EFHB: variants seen among roughly 807,000 people sequenced by gnomAD.
EFHB encodes the protein EF-hand domain family member B.
EFHB carries 91 observed loss-of-function variants against 87.2 expected under a neutral mutation model. The ratio of observed to expected loss-of-function variants is 1.04; its 90% confidence interval spans 0.88 to 1.24. The LOEUF (loss-of-function observed/expected upper bound fraction) is 1.24. Among genes scored for constraint, EFHB ranks in the 50% most tolerant of loss-of-function variants. The pLI, the probability that EFHB is intolerant of heterozygous loss-of-function variation, is 0.00. For missense variants in EFHB, 1,084 were observed against 998.8 expected (o/e 1.09, Z -1.15); for synonymous variants, 325 against 333.6 (o/e 0.97, Z 0.28).
intron 1 of EFHB, among the ~76,000 whole-genome samples, chr3:19,932,168 G>A (rs145583742): frequency 2.0e-5 from 3 of 152,144 alleles, no homozygotes; most frequent in Admixed American, 6.5e-5. Context: ...TCTCAAAAGT[G>A]CAGTCTCCTT....
chr3:19,900,234 T>G (rs1694626589), intron 6 of EFHB, among the ~76,000 whole-genome samples: 1 of 151,986 alleles, frequency 6.6e-6, no homozygotes, highest in South Asian at 2.1e-4. Context: ...GGTAACATAG[T>G]GAGATCCCAT....
chr3:19,890,146 G>A (rs1175310894), intron 9 of EFHB, among the ~76,000 whole-genome samples: 1 of 152,148 alleles, frequency 6.6e-6, no homozygotes, highest in East Asian at 1.9e-4. Context: ...GGCTTTGTGT[G>A]CACTGAAAAC....
At chr3:19,918,013 A>G (rs533173547) in intron 4 of EFHB, among the ~76,000 whole-genome samples, 70 of 152,268 alleles carry the variant, frequency 4.6e-4, no homozygotes, top group Non-Finnish European at 9.6e-4. Flanking sequence ...TATGCTCACT[A>G]TATCTGGACT....
At chr3:19,928,539 G>A (rs1219748608) in intron 1 of EFHB, among the ~76,000 whole-genome samples, 1 of 152,186 alleles carries the variant, frequency 6.6e-6, no homozygotes, top group Non-Finnish European at 1.5e-5. Flanking sequence ...CCGCCACCCA[G>A]GCTCAAGTGA....
At position 19,920,575 on chromosome 3, in the gene EFHB, G is replaced by A. The variant is rs1695404619; in HGVS notation, c.790-8C>T. 1 of 1,586,884 alleles carries A rather than the reference G, an allele frequency of 6.3e-7. No homozygotes were observed. Among genetic ancestry groups the A allele is most frequent in the East Asian group, 2.3e-5 (1 of 43,040 alleles). ...TGGAATAACTTTTCCTGCCTTTGGG[G>A]GAAAAAAATGGGTTGATCATTGCCA... On this transcript the variant is annotated splice_polypyrimidine_tract_variant and splice_region_variant and intron_variant, in intron 1 of 12. Coordinates refer to ENST00000295824, the MANE Select transcript of EFHB (RefSeq NM_144715.4).
At chr3:19,934,270 T>G, upstream of EFHB, 3 of 1,401,578 alleles carry the variant, frequency 2.1e-6, no homozygotes, top group Non-Finnish European at 1.8e-6. Context: ...CAAGTCCTGC[T>G]TGGACAGATC....
At chr3:19,895,591 G>C (rs536683602) in intron 9 of EFHB, among the ~76,000 whole-genome samples, 1 of 152,112 alleles carries the variant, frequency 6.6e-6, no homozygotes, top group Admixed American at 6.5e-5. Flanking sequence ...TAAAAGCAGG[G>C]CACTACGTAT....
At chr3:19,883,924 T>A (rs2071745431) in intron 11 of EFHB, among the ~76,000 whole-genome samples, 1 of 152,192 alleles carries the variant, frequency 6.6e-6, no homozygotes, top group South Asian at 2.1e-4. Context: ...ACGTCAAGCC[T>A]CCAGAACTGT....
At chr3:19,938,227 A>G (rs1696067022), upstream of EFHB, among the ~76,000 whole-genome samples, 1 of 152,218 alleles carries the variant, frequency 6.6e-6, no homozygotes, top group Non-Finnish European at 1.5e-5. Flanking sequence ...ACTTTCTGAG[A>G]TTACGGTAGT....
In EFHB at chr3:19,888,646, T is replaced by C; in HGVS notation, c.1731A>G (p.Gly577=). Reference sequence around the variant, plus strand: ...GCTCGTCTTTATCTATCATCCCATCTCCCTTCTGTTATACAGGAAGCAAAA... The same window carrying C: ...GCTCGTCTTTATCTATCATCCCATCCCCCTTCTGTTATACAGGAAGCAAAA... ...LAAFRHYDKK[G]DGMIDKDELQ... The change falls in exon 10 of 13, where the codon GGA becomes GGG. Residue 577 remains glycine (G), a synonymous_variant. Transcript: ENST00000295824. 4 of 1,603,094 alleles carry C rather than the reference T, an allele frequency of 2.5e-6. No homozygotes were observed. The highest frequency in any genetic ancestry group is 3.4e-6 in the Non-Finnish European group (4 of 1,174,062).
Position 19,918,277 on chromosome 3 carries a change from C to T in EFHB, c.1132G>A (p.Gly378Ser). The T allele has an allele frequency of 2.5e-6, 4 of 1,612,874 alleles. No homozygotes were observed. Among genetic ancestry groups the T allele is most frequent in the Non-Finnish European group, 3.4e-6 (4 of 1,179,614 alleles). ...AATGTCGTATTGGTTGTGTCCATGC[C>T]TTTTGGTAATCCTGGTGCTTGATCG... ...SHDQAPGLPK[G>S]MDTTNTTFGT... The change falls in exon 4 of 13, where the codon GGC (glycine) becomes AGC (serine). Residue 378 changes from glycine (G) to serine (S), a missense_variant. Physicochemically the swap from Gly to Ser is moderately conservative, Grantham distance 56. Coordinates refer to ENST00000295824, the MANE Select transcript of EFHB (RefSeq NM_144715.4).
At chr3:19,940,209 T>C (rs1696125066) in intron 1 of EFHB, 1 of 157,766 alleles carries the variant, frequency 6.3e-6, no homozygotes. Flanking sequence ...GCTACATATT[T>C]GGGTCCTTCA....
intron 10 of EFHB, among the ~76,000 whole-genome samples, chr3:19,888,112 T>C (rs1049832737): frequency 4.6e-5 from 7 of 152,182 alleles, no homozygotes; most frequent in African/African-American, 1.7e-4. Flanking sequence ...ACTACAGATA[T>C]TCCATGCATA....
chr3:19,881,797 T>G, intron 12 of EFHB, among the ~76,000 whole-genome samples: 1 of 152,034 alleles, frequency 6.6e-6, no homozygotes, highest in East Asian at 1.9e-4. Context: ...CATTTCTAGC[T>G]CCAGCTATGA....
In EFHB at chr3:19,895,597, C is replaced by T. The variant is rs115794496; in HGVS notation, c.1725+1090G>A. ...AAGAATTCTTAAAAGCAGGGCACTACGTATTATGGCAGGTTCTCTTATTCA... is the reference window on the plus strand; with the variant it reads ...AAGAATTCTTAAAAGCAGGGCACTATGTATTATGGCAGGTTCTCTTATTCA... On this transcript the variant is annotated intron_variant, in intron 9 of 12. Coordinates refer to ENST00000295824, the MANE Select transcript of EFHB (RefSeq NM_144715.4). 5.5e-3 allele frequency among the ~76,000 whole-genome samples: 836 copies of T among 152,148 alleles called. 5 individuals carry two copies. Among genetic ancestry groups the T allele is most frequent in the African/African-American group, 0.02 (814 of 41,482 alleles).
intron 7 of EFHB, among the ~76,000 whole-genome samples, chr3:19,899,203 T>G (rs1011277274): frequency 6.6e-6 from 1 of 152,222 alleles, no homozygotes; most frequent in African/African-American, 2.4e-5. Context: ...TAATGCTTTA[T>G]GCAAAATTAT....
Position 19,896,686 on chromosome 3 carries a change from C to G in EFHB, c.1725+1G>C. The G allele has an allele frequency of 1.2e-6, 2 of 1,614,006 alleles. No individual in the cohort carries two copies. The highest frequency in any genetic ancestry group is 8.5e-7 in the Non-Finnish European group (1 of 1,179,892). Reference sequence around the variant, plus strand: ...CCAAAAAGCTCTCCCCCATTACTGGCCTTGTCATAGTGCCTGAAGGCTGCC... The same window carrying G: ...CCAAAAAGCTCTCCCCCATTACTGGGCTTGTCATAGTGCCTGAAGGCTGCC... On this transcript the variant is annotated splice_donor_variant, in intron 9 of 12. Coordinates refer to ENST00000295824, the MANE Select transcript of EFHB (RefSeq NM_144715.4). LOFTEE classifies it high-confidence loss of function.
At chr3:19,887,493 A>T (rs1459453158) in intron 10 of EFHB, among the ~76,000 whole-genome samples, 1 of 152,114 alleles carries the variant, frequency 6.6e-6, no homozygotes, top group Non-Finnish European at 1.5e-5. Context: ...ATACATATAC[A>T]CATATGTATA....
intron 6 of EFHB, among the ~76,000 whole-genome samples, chr3:19,903,448 A>C (rs1694739061): frequency 6.6e-6 from 1 of 152,100 alleles, no homozygotes; most frequent in African/African-American, 2.4e-5. Flanking sequence ...AAAATGGATA[A>C]ACCATATTTG....
Sources: gnomAD v4.1 joint callset for allele counts (sites outside exome capture counted in the v4.1 genomes callset) on GRCh38, gnomAD v4.1.1 for gene constraint, MANE v1.5 for transcripts, NCBI Gene and HGNC (gene_info 2026-07-23, HGNC 2026-07-21) for gene names.